The following SRD5A2 variants were observed in gnomAD, a reference collection of about 807,000 sequenced individuals.
SRD5A2 encodes steroid 5 alpha-reductase 2, also known as 3-oxo-5-alpha-steroid 4-dehydrogenase 2.
A neutral mutation model predicts 27.4 loss-of-function variants in SRD5A2; 30 were observed. That is an observed-to-expected ratio of 1.10 (90% CI 0.82 to 1.49). The LOEUF (loss-of-function observed/expected upper bound fraction) is 1.49. Among genes scored for constraint, SRD5A2 ranks in the 40% most tolerant of loss-of-function variants. SRD5A2 has a pLI of 0.00. For synonymous variants in SRD5A2, 141 were observed against 133.6 expected (o/e 1.06, Z -0.38); for missense variants, 348 against 323.4 (o/e 1.08, Z -0.58).
intron 3 of SRD5A2, among the ~76,000 whole-genome samples, chr2:31,530,423 C>CT (rs916414863): frequency 2.0e-5 from 3 of 152,072 alleles, no homozygotes; most frequent in African/African-American, 4.8e-5. Flanking sequence ...TCCCTACGCC[C>CT]TGGGAGGAAC....
At chr2:31,572,045 AC>A (rs57229756) in intron 1 of SRD5A2, among the ~76,000 whole-genome samples, 152,386 of 152,386 alleles carry the variant, frequency 1, 76,193 homozygotes, top group Non-Finnish European at 1. Context: ...TCATTGCAGC[AC>A]GTATTCACAA....
At chr2:31,544,821 A>T (rs1666210176) in intron 1 of SRD5A2, among the ~76,000 whole-genome samples, 1 of 151,956 alleles carries the variant, frequency 6.6e-6, no homozygotes, top group African/African-American at 2.4e-5. Flanking sequence ...GACTAAGAAA[A>T]ATAGAGACAA....
the SRD5A2 span, among the ~76,000 whole-genome samples, chr2:31,599,973 C>G: frequency 8.8e-5 from 12 of 136,962 alleles, no homozygotes; most frequent in Admixed American, 8.2e-4. Context: ...TCCTGATCCT[C>G]TCCTTCTTCC....
the SRD5A2 span, among the ~76,000 whole-genome samples, chr2:31,603,244 T>A: frequency 6.6e-6 from 1 of 151,778 alleles, no homozygotes; most frequent in Admixed American, 6.6e-5. Context: ...GCAAAGGACA[T>A]GAACAGACAC....
chr2:31,640,374 T>C, the SRD5A2 span, among the ~76,000 whole-genome samples: 2 of 152,050 alleles, frequency 1.3e-5, no homozygotes, highest in East Asian at 1.9e-4. Flanking sequence ...TTTTGGGGAG[T>C]TTGTGGTTCC....
the SRD5A2 span, among the ~76,000 whole-genome samples, chr2:31,594,374 G>A: frequency 6.6e-6 from 1 of 152,002 alleles, no homozygotes; most frequent in Non-Finnish European, 1.5e-5. Context: ...CCATGCAAAT[G>A]GAAACCAAAA....
chr2:31,585,763 G>C (rs897529140), upstream of SRD5A2, among the ~76,000 whole-genome samples: 2 of 152,148 alleles, frequency 1.3e-5, no homozygotes, highest in Admixed American at 6.5e-5. Context: ...GGGGGCCCTT[G>C]ATTCCAAGAG....
At chr2:31,612,197 C>G in the SRD5A2 span, among the ~76,000 whole-genome samples, 1 of 151,962 alleles carries the variant, frequency 6.6e-6, no homozygotes, top group South Asian at 2.1e-4. Flanking sequence ...ATGAGAATCA[C>G]TTGGACCTAG....
chr2:31,540,739 T>C (rs1666113121), intron 1 of SRD5A2, among the ~76,000 whole-genome samples: 2 of 152,258 alleles, frequency 1.3e-5, no homozygotes, highest in African/African-American at 4.8e-5. Context: ...ATTTTAGCTC[T>C]TAGCACAGTA....
At chr2:31,582,798 C>A (rs187667020), upstream of SRD5A2, among the ~76,000 whole-genome samples, 3 of 152,330 alleles carry the variant, frequency 2.0e-5, no homozygotes, top group African/African-American at 7.2e-5. Context: ...AGTGTTACCT[C>A]TTCCCTGTCC....
At chr2:31,585,199 C>G (rs935315190), upstream of SRD5A2, among the ~76,000 whole-genome samples, 14 of 152,212 alleles carry the variant, frequency 9.2e-5, no homozygotes, top group African/African-American at 3.4e-4. Flanking sequence ...CTCTGGATCT[C>G]TGACTAAACC....
chr2:31,623,329 AC>A, the SRD5A2 span, among the ~76,000 whole-genome samples: 10 of 152,154 alleles, frequency 6.6e-5, no homozygotes, highest in African/African-American at 2.4e-4. Context: ...TTGCAAAAAA[AC>A]ATGGATAAAG....
At chr2:31,595,180 A>C in the SRD5A2 span, among the ~76,000 whole-genome samples, 1 of 152,174 alleles carries the variant, frequency 6.6e-6, no homozygotes, top group African/African-American at 2.4e-5. Context: ...CAAAACCCAA[A>C]CCCAGCAGAA....
chr2:31,647,580 C>T, the SRD5A2 span, among the ~76,000 whole-genome samples: 5 of 152,106 alleles, frequency 3.3e-5, no homozygotes, highest in South Asian at 6.2e-4. Flanking sequence ...GTTATAAATG[C>T]TATAATATTC....
At chr2:31,601,144 T>A in the SRD5A2 span, among the ~76,000 whole-genome samples, 8 of 151,810 alleles carry the variant, frequency 5.3e-5, no homozygotes, top group Non-Finnish European at 1.2e-4. Flanking sequence ...AAGCTGGCTT[T>A]TTGAAAACAT....
chr2:31,575,793 GA>G (rs201626842), intron 1 of SRD5A2, among the ~76,000 whole-genome samples: 7 of 150,972 alleles, frequency 4.6e-5, no homozygotes, highest in East Asian at 1.9e-4. Context: ...TTCTTCTCTG[GA>G]AAAAAAAATG....
upstream of SRD5A2, chr2:31,580,985 C>T (rs573989049): frequency 4.3e-5 from 60 of 1,406,110 alleles, no homozygotes; most frequent in East Asian, 1.4e-3. Flanking sequence ...CCAGACGCCA[C>T]CCGTGTCCGC....
the SRD5A2 span, among the ~76,000 whole-genome samples, chr2:31,608,031 G>C: frequency 6.6e-6 from 1 of 151,948 alleles, no homozygotes; most frequent in Admixed American, 6.6e-5. Context: ...TTGGCACCTT[G>C]ACCTTTGGAT....
At chr2:31,659,138 A>T in the SRD5A2 span, among the ~76,000 whole-genome samples, 2 of 152,210 alleles carry the variant, frequency 1.3e-5, no homozygotes, top group African/African-American at 4.8e-5. Flanking sequence ...ACATCACTTC[A>T]TGTTGAAAAC....
Sources: allele counts gnomAD v4.1 joint callset (sites outside exome capture counted in the v4.1 genomes callset), GRCh38; gene constraint gnomAD v4.1.1; transcripts MANE v1.5; gene names NCBI Gene and HGNC (gene_info 2026-07-23, HGNC 2026-07-21).